Variants in ZNF142 observed in about 807,000 individuals in gnomAD.
The protein encoded by ZNF142 is zinc finger protein 142 (clone pHZ-49).
In ZNF142, 96 loss-of-function variants were observed where a neutral mutation model predicts 132.1. That is an observed-to-expected ratio of 0.73 (90% CI 0.62 to 0.86). The LOEUF (loss-of-function observed/expected upper bound fraction) is 0.86, where lower values mean the gene tolerates loss of function less well. ZNF142 is among the 40% of genes least tolerant of loss of function. ZNF142 has a pLI of 0.00. For missense variants in ZNF142, 2,163 were observed against 2,336.2 expected (o/e 0.93, Z 1.53); for synonymous variants, 842 against 890.1 (o/e 0.95, Z 0.96).
At position 218,643,802 on chromosome 2, in the gene ZNF142, G is replaced by C; in HGVS notation, c.3314C>G (p.Pro1105Arg). 6.2e-7 allele frequency: 1 copy of C among 1,611,584 alleles called. No individual in the cohort carries two copies. The highest frequency in any genetic ancestry group is 8.5e-7 in the Non-Finnish European group (1 of 1,178,392). ...TGGGAGCACAGGTTGCAGAGGGATG[G>C]GTGAATCTGGTCTGGGCAAGCCCTT... ...KNKGLPRPDS[P>R]IPLQPVLPGT... Residue 1105 changes from proline (P) to arginine (R), a missense_variant, in exon 9 of 11, where the codon CCC (proline) becomes CGC (arginine). Coordinates refer to ENST00000411696, the MANE Select transcript of ZNF142 (RefSeq NM_001379659.1).
chr2:218,633,719 T>C lies in ZNF142; in HGVS notation c.*4620A>G. 6.2e-7 allele frequency: 1 copy of C among 1,613,992 alleles called. No homozygotes were observed. The highest frequency in any genetic ancestry group is 8.5e-7 in the Non-Finnish European group (1 of 1,179,888). ...GCACTACCACTTCTACGAGATATCA[T>C]CTTTCTCTGAAACCAAGGCCAAGCG... On this transcript the variant is annotated 3_prime_UTR_variant, in exon 11 of 11. Transcript: ENST00000411696.
Position 218,643,679 on chromosome 2 carries a change from G to C in ZNF142, c.3437C>G (p.Pro1146Arg). 6.4e-7 allele frequency: 1 copy of C among 1,558,866 alleles called. No homozygotes were observed. The highest frequency in any genetic ancestry group is 8.6e-7 in the Non-Finnish European group (1 of 1,156,404). The stretch of plus-strand genomic sequence containing the variant: ...CTCTTCTGTTTCTTCTGGCTCCCTG[G>C]GAAGCTCCAAAGGAGCATCTTTTGG... Reference protein sequence around the residue: ...LLPKDAPLELPREPEETEEPL... With the variant: ...LLPKDAPLELRREPEETEEPL... Residue 1146 changes from proline (P) to arginine (R), a missense_variant, in exon 9 of 11, where the codon CCC becomes CGC. Coordinates refer to ENST00000411696, the MANE Select transcript of ZNF142 (RefSeq NM_001379659.1).
chr2:218,646,940 T>A (rs1050103284), intron 7 of ZNF142, among the ~76,000 whole-genome samples: 3 of 152,182 alleles, frequency 2.0e-5, no homozygotes, highest in Non-Finnish European at 4.4e-5. Context: ...TACAGCTTGC[T>A]GTCACTATGG....
chr2:218,634,757 T>C lies in ZNF142; in HGVS notation c.*3582A>G. 8.8e-7 allele frequency: 1 copy of C among 1,142,200 alleles called. No homozygotes were observed. Among genetic ancestry groups the C allele is most frequent in the Admixed American group, 2.3e-5 (1 of 42,888 alleles). The allele number at this position is 1,142,200 out of a possible 1,614,324, so 70.8% of individuals were successfully genotyped here. On this transcript the variant is annotated 3_prime_UTR_variant, in exon 11 of 11. Coordinates refer to ENST00000411696, the MANE Select transcript of ZNF142 (RefSeq NM_001379659.1). The surrounding 1 kb of genome is among the most constrained non-coding windows in gnomAD (Gnocchi z 4.0). ...ATTAACAGTGTCTAGTTTTAGCTTTTGGAGCCAGCTGCCTAGCTTCAAACC... is the reference window on the plus strand; with the variant it reads ...ATTAACAGTGTCTAGTTTTAGCTTTCGGAGCCAGCTGCCTAGCTTCAAACC...
Position 218,652,050 on chromosome 2 carries a change from C to CT in ZNF142, c.530dup (p.Ala178GlyfsTer14), listed in dbSNP as rs759320466. 1 of 486,144 alleles carries CT rather than the reference C, an allele frequency of 2.1e-6. No homozygotes were observed. The highest frequency in any genetic ancestry group is 3.9e-6 in the Non-Finnish European group (1 of 254,190). 30.1% of individuals were successfully genotyped at this position (486,144 alleles called of 1,614,324 possible). A position where few individuals can be genotyped will look rare whatever the true frequency, so the allele number is the denominator to read the frequency against. On this transcript the variant is annotated frameshift_variant, in exon 5 of 11. Transcript: ENST00000411696. LOFTEE classifies it high-confidence loss of function. ...GAATCTTGAAGTGGCTCTTCAGGGC[C>CT]TGGGGTTGGGCAAACTCCTGTCTAC...
chr2:218,636,693 C>G lies in ZNF142; in HGVS notation c.*1646G>C. The G allele has an allele frequency of 8.9e-7, 1 of 1,119,080 alleles. No individual in the cohort carries two copies. Among genetic ancestry groups the G allele is most frequent in the Non-Finnish European group, 1.3e-6 (1 of 772,644 alleles). The allele number at this position is 1,119,080 out of a possible 1,614,324, so 69.3% of individuals were successfully genotyped here. ...AAAATCAAGCTTTGGATTGTGCATT[C>G]CTAGGCACAAAATTACCTCATTCTT... On this transcript the variant is annotated 3_prime_UTR_variant, in exon 11 of 11. Coordinates refer to ENST00000411696, the MANE Select transcript of ZNF142 (RefSeq NM_001379659.1).
chr2:218,648,408 A>G (rs576779562), intron 7 of ZNF142, among the ~76,000 whole-genome samples: 1 of 152,262 alleles, frequency 6.6e-6, no homozygotes, highest in African/African-American at 2.4e-5. Context: ...ACAGCACCAC[A>G]GTGGTTAGAG....
At position 218,635,584 on chromosome 2, in the gene ZNF142, C is replaced by T. The variant is rs758129277; in HGVS notation, c.*2755G>A. ...CTGGTTTCAAGTGATCTGCCCACCTCGGCCTCCTGAAGTGTTGGGATTACA... is the reference window on the plus strand; with the variant it reads ...CTGGTTTCAAGTGATCTGCCCACCTTGGCCTCCTGAAGTGTTGGGATTACA... On this transcript the variant is annotated 3_prime_UTR_variant, in exon 11 of 11. Coordinates refer to ENST00000411696, the MANE Select transcript of ZNF142 (RefSeq NM_001379659.1). Among the ~76,000 whole-genome samples, 4 of 152,196 alleles carry T rather than the reference C, an allele frequency of 2.6e-5. No homozygotes were observed. Among genetic ancestry groups the T allele is most frequent in the Non-Finnish European group, 5.9e-5 (4 of 68,042 alleles).
chr2:218,634,650 T>C lies in ZNF142; in HGVS notation c.*3689A>G. On this transcript the variant is annotated 3_prime_UTR_variant, in exon 11 of 11. Transcript: ENST00000411696. This position sits in a 1 kb window ranked among gnomAD's most constrained non-coding sequence, Gnocchi z 4.0. ...ATCCAGGTACAGTGGAAATAAACTG[T>C]TGGGAAGAAACTGAGATAACTGGGA... is the stretch of plus-strand genomic sequence containing the variant. 6.2e-7 allele frequency: 1 copy of C among 1,610,034 alleles called. No individual in the cohort carries two copies.
intron 6 of ZNF142, 89 bp from the exon 7 acceptor site, chr2:218,649,548 AC>A: frequency 8.1e-7 from 1 of 1,234,398 alleles, no homozygotes; most frequent in Non-Finnish European, 1.1e-6. Context: ...TCAGACACAA[AC>A]GATGTGTGGC....
rs1696702417 is a variant in ZNF142, at chr2:218,635,835, A to C, written c.*2504T>G. On this transcript the variant is annotated 3_prime_UTR_variant, in exon 11 of 11. Coordinates refer to ENST00000411696, the MANE Select transcript of ZNF142 (RefSeq NM_001379659.1). ...GCAACTCCCCAAAGTGGACAAGACC[A>C]AAGAGGGGTCCATTGTGGATCCACT... 1.2e-6 allele frequency: 2 copies of C among 1,613,768 alleles called. No homozygotes were observed. The highest frequency in any genetic ancestry group is 2.7e-5 in the African/African-American group (2 of 74,914).
chr2:218,636,237 A>G lies in ZNF142; in HGVS notation c.*2102T>C. 1 of 1,613,456 alleles carries G rather than the reference A, an allele frequency of 6.2e-7. No individual in the cohort carries two copies. Among genetic ancestry groups the G allele is most frequent in the Non-Finnish European group, 8.5e-7 (1 of 1,179,382 alleles). ...TCTTCTTATTTCTTTCTGTCCACCA[A>G]CTCAGGTTTTAATCCATACTGGGGG... On this transcript the variant is annotated 3_prime_UTR_variant, in exon 11 of 11. Coordinates refer to ENST00000411696, the MANE Select transcript of ZNF142 (RefSeq NM_001379659.1).
chr2:218,647,208 G>A (rs1428532768), intron 7 of ZNF142, among the ~76,000 whole-genome samples: 3 of 151,778 alleles, frequency 2.0e-5, no homozygotes, highest in Admixed American at 2.0e-4. Context: ...TGGATCATGA[G>A]GTCAGGAGAT....
At position 218,643,400 on chromosome 2, in the gene ZNF142, G is replaced by A. The variant is rs1697424928; in HGVS notation, c.3716C>T (p.Ser1239Phe). The A allele has an allele frequency of 1.2e-6, 2 of 1,614,100 alleles. No individual in the cohort carries two copies. Among genetic ancestry groups the A allele is most frequent in the Non-Finnish European group, 1.7e-6 (2 of 1,180,044 alleles). Residue 1239 changes from serine to phenylalanine, a missense_variant, in exon 9 of 11, where the codon TCC becomes TTC. This residue lies in a region of ZNF142 where 809 missense variants were observed against 801.7 expected (regional missense o/e 1.01). Coordinates refer to ENST00000411696, the MANE Select transcript of ZNF142 (RefSeq NM_001379659.1). The stretch of plus-strand genomic sequence containing the variant: ...TTCAGCCACGTGAGAGGTAATAGAG[G>A]AGAGCCGGGAACAAAGGAATGGGCA... ...NSCPFLCSRL[S>F]SITSHVAEGC...
Position 218,633,713 on chromosome 2 carries a change from A to G in ZNF142, c.*4626T>C, listed in dbSNP as rs764401261. 41 of 1,613,818 alleles carry G rather than the reference A, an allele frequency of 2.5e-5. No individual in the cohort carries two copies. Among genetic ancestry groups the G allele is most frequent in the Admixed American group, 1.0e-4 (6 of 59,976 alleles). ...AAAGGAGCACTACCACTTCTACGAG[A>G]TATCATCTTTCTCTGAAACCAAGGC... is the stretch of plus-strand genomic sequence containing the variant. On this transcript the variant is annotated 3_prime_UTR_variant, in exon 11 of 11. Transcript: ENST00000411696.
chr2:218,640,098 T>C (rs1320249576), intron 10 of ZNF142, among the ~76,000 whole-genome samples: 2 of 134,212 alleles, frequency 1.5e-5, no homozygotes, highest in Non-Finnish European at 3.1e-5. Context: ...AAGAAATACT[T>C]AGGAGGGAAG....
chr2:218,649,210 G>A lies in ZNF142; in HGVS notation c.1298C>T (p.Ala433Val), dbSNP rs1937743671. 1.2e-6 allele frequency: 2 copies of A among 1,614,124 alleles called. No homozygotes were observed. Among genetic ancestry groups the A allele is most frequent in the African/African-American group, 2.7e-5 (2 of 74,940 alleles). Residue 433 changes from alanine (A) to valine (V), a missense_variant, in exon 7 of 11, where the codon GCA (alanine) becomes GTA (valine). Physicochemically the swap from Ala to Val is moderately conservative, Grantham distance 64. Around this residue, in one of 7 missense-constraint regions of ZNF142, gnomAD observed 749 missense variants for 830.3 expected, o/e 0.90. Coordinates refer to ENST00000411696, the MANE Select transcript of ZNF142 (RefSeq NM_001379659.1). ...LCHYSAVERNALNRHMASMHE... is the reference protein window; with the variant it reads ...LCHYSAVERNVLNRHMASMHE... ...CATGCTGGCCATGTGGCGGTTGAGT[G>A]CATTCCTCTCCACCGCACTGTAGTG...
Position 218,633,428 on chromosome 2 carries a change from A to G in ZNF142, c.*4911T>C. 1 of 763,582 alleles carries G rather than the reference A, an allele frequency of 1.3e-6. No individual in the cohort carries two copies. Among genetic ancestry groups the G allele is most frequent in the Non-Finnish European group, 2.3e-6 (1 of 438,758 alleles). 47.3% of individuals were successfully genotyped at this position (763,582 alleles called of 1,614,324 possible). ...GTTTTGTCCGTCTATCTGTTGTCAG[A>G]TTGTGGCCCAGGCTCCTATTTCCAA... On this transcript the variant is annotated 3_prime_UTR_variant, in exon 11 of 11. Coordinates refer to ENST00000411696, the MANE Select transcript of ZNF142 (RefSeq NM_001379659.1).
chr2:218,648,607 A>G (rs1398549527), intron 7 of ZNF142, 28 bp downstream of exon 7: 1 of 1,595,926 alleles, frequency 6.3e-7, no homozygotes, highest in Admixed American at 1.7e-5. Context: ...TTATTACAAC[A>G]TTATTTTAAG....
Sources: allele counts gnomAD v4.1 joint callset (sites outside exome capture counted in the v4.1 genomes callset), GRCh38; gene constraint gnomAD v4.1.1; regional missense constraint gnomAD v4.1.1; non-coding constraint Gnocchi (gnomAD v3.1); transcripts MANE v1.5; gene names NCBI Gene and HGNC (gene_info 2026-07-23, HGNC 2026-07-21).